The following SORBS2 variants were observed in gnomAD, a reference collection of about 807,000 sequenced individuals.
The protein encoded by SORBS2 is sorbin and SH3 domain-containing protein 2.
A neutral mutation model predicts 97.7 loss-of-function variants in SORBS2; 46 were observed. That is an observed-to-expected ratio of 0.47 (90% confidence interval 0.37 to 0.60). The LOEUF (loss-of-function observed/expected upper bound fraction) is 0.60, where lower values mean the gene tolerates loss of function less well. Ranked by LOEUF, SORBS2 falls within the 20% of genes least tolerant of loss-of-function variation. SORBS2 has a pLI of 0.00. For synonymous variants in SORBS2, 476 were observed against 473.4 expected, an observed-to-expected ratio of 1.01 and a Z score of -0.07; for missense variants, 1,316 against 1,282.3, an observed-to-expected ratio of 1.03 and a Z score of -0.40.
At chr4:185,812,425 T>G (rs975747867) in intron 1 of SORBS2, among the ~76,000 whole-genome samples, 2 of 152,242 alleles carry the variant, frequency 1.3e-5, no homozygotes, top group Non-Finnish European at 2.9e-5. Flanking sequence ...TCACCGATAG[T>G]GCAAGTGCTC....
At chr4:185,645,087 A>G (rs2097186080) in intron 4 of SORBS2, among the ~76,000 whole-genome samples, 1 of 152,202 alleles carries the variant, frequency 6.6e-6, no homozygotes, top group Non-Finnish European at 1.5e-5. Context: ...GAATGACTAA[A>G]TAATAGAAAC....
In SORBS2 at chr4:185,772,762, T is replaced by A. The variant is rs570681991; in HGVS notation, c.-198+2465A>T. 2.0e-5 allele frequency: 3 copies of A among 152,356 alleles called. No homozygotes were observed. The South Asian group carries it at 6.2e-4, about 32-fold the overall frequency. 9.4% of individuals were successfully genotyped at this position (152,356 alleles called of 1,614,324 possible). A position where few individuals can be genotyped will look rare whatever the true frequency, so the allele number is the denominator to read the frequency against. The stretch of plus-strand genomic sequence containing the variant: ...AACGTGTGCCCTCATGAAACTATAG[T>A]AGAAGATGCGGAAATAGGACTGTCC... On this transcript the variant is annotated intron_variant, in intron 2 of 20. Transcript: ENST00000284776.
intron 1 of SORBS2, among the ~76,000 whole-genome samples, chr4:185,845,436 A>G (rs1173489167): frequency 2.0e-5 from 3 of 152,208 alleles, no homozygotes; most frequent in African/African-American, 7.2e-5. Context: ...TATTATGTGC[A>G]TTTTGCAACA....
At chr4:185,858,043 C>CA (rs1200124931) in intron 1 of SORBS2, among the ~76,000 whole-genome samples, 2 of 152,176 alleles carry the variant, frequency 1.3e-5, no homozygotes, top group Non-Finnish European at 2.9e-5. Context: ...CCTCCCTTTT[C>CA]AAAATCCCTA....
intron 1 of SORBS2, among the ~76,000 whole-genome samples, chr4:185,949,429 A>G (rs2099276107): frequency 6.6e-6 from 1 of 150,770 alleles, no homozygotes; most frequent in Non-Finnish European, 1.5e-5. Context: ...AAAATGCAAC[A>G]TAGATAGATA....
chr4:185,823,563 A>G (rs2099198056), intron 1 of SORBS2, among the ~76,000 whole-genome samples: 3 of 152,204 alleles, frequency 2.0e-5, no homozygotes, highest in Non-Finnish European at 4.4e-5. Flanking sequence ...AAAAATAGCA[A>G]TAGTAAACTG....
intron 1 of SORBS2, among the ~76,000 whole-genome samples, chr4:185,914,727 C>T (rs907004152): frequency 9.2e-5 from 14 of 152,348 alleles, no homozygotes; most frequent in African/African-American, 2.9e-4. Context: ...ACAAATACCA[C>T]GAGGCCTGAC....
chr4:185,781,507 C>T (rs1310917059), intron 1 of SORBS2, among the ~76,000 whole-genome samples: 1 of 151,878 alleles, frequency 6.6e-6, no homozygotes, highest in Non-Finnish European at 1.5e-5. Context: ...CTCTAGCCTC[C>T]CTTCCATTGC....
intron 1 of SORBS2, chr4:185,811,050 A>G (rs1029199200): frequency 2.6e-5 from 4 of 152,142 alleles, no homozygotes; most frequent in African/African-American, 9.7e-5. Context: ...GCATGCAGAT[A>G]CTCGGAAAGG....
chr4:185,608,696 A>G (rs10031230), intron 12 of SORBS2, among the ~76,000 whole-genome samples: 96,178 of 151,578 alleles, frequency 0.63, 31,470 homozygotes, highest in African/African-American at 0.79. Flanking sequence ...ACATTGGAAT[A>G]CGTTTATCTA....
intron 1 of SORBS2, among the ~76,000 whole-genome samples, chr4:185,828,308 A>C (rs898285521): frequency 6.6e-6 from 1 of 152,152 alleles, no homozygotes; most frequent in African/African-American, 2.4e-5. Context: ...CACTGCCTGC[A>C]GGCTGCCCAC....
chr4:185,638,039 A>T, intron 4 of SORBS2, 40 bp downstream of exon 15: 2 of 1,175,162 alleles, frequency 1.7e-6, no homozygotes, highest in Middle Eastern at 1.9e-4. Context: ...CAAACAGTAT[A>T]CTCCTAGTTT....
intron 2 of SORBS2, among the ~76,000 whole-genome samples, chr4:185,755,119 G>C (rs905911340): frequency 2.0e-5 from 3 of 152,208 alleles, no homozygotes; most frequent in African/African-American, 7.2e-5. Flanking sequence ...TATAGCTTTG[G>C]ACAGGGCCAA....
intron 2 of SORBS2, among the ~76,000 whole-genome samples, chr4:185,768,883 CA>C (rs1278994868): frequency 6.6e-6 from 1 of 152,052 alleles, no homozygotes; most frequent in Non-Finnish European, 1.5e-5. Context: ...AAATTCCATA[CA>C]CAAAAAGAAA....
At chr4:185,950,274 A>G (rs2150025585) in intron 1 of SORBS2, among the ~76,000 whole-genome samples, 1 of 152,158 alleles carries the variant, frequency 6.6e-6, no homozygotes, top group African/African-American at 2.4e-5. Context: ...ATACTTTGAG[A>G]ATGAATTTGT....
At chr4:185,861,408 T>G (rs1475548811) in intron 1 of SORBS2, among the ~76,000 whole-genome samples, 1 of 151,918 alleles carries the variant, frequency 6.6e-6, no homozygotes. Context: ...GCAGTCAGAA[T>G]GTGTTTTGAG....
At chr4:185,756,216 T>C (rs1443068185) in intron 2 of SORBS2, among the ~76,000 whole-genome samples, 3 of 152,174 alleles carry the variant, frequency 2.0e-5, no homozygotes, top group Non-Finnish European at 4.4e-5. Context: ...AACTGTTATT[T>C]TATGTCCTTA....
intron 2 of SORBS2, among the ~76,000 whole-genome samples, chr4:185,709,320 T>TTTTTTTTTTTTTTTTTTTC (rs1181008953): frequency 2.1e-5 from 3 of 140,974 alleles, no homozygotes; most frequent in African/African-American, 2.7e-5. Flanking sequence ...TTTTTTTTTT[T>TTTTTTTTTTTTTTTTTTTC]TTTTAGTAAA....
chr4:185,620,051 T>C lies in SORBS2; in HGVS notation c.2304+12A>G. 6 of 1,544,680 alleles carry C rather than the reference T, an allele frequency of 3.9e-6. No homozygotes were observed. The highest frequency in any genetic ancestry group is 5.4e-6 in the Non-Finnish European group (6 of 1,116,494). ...TTGCTGTGAAAGACTCCAATGCTAT[T>C]AAATTAACTACCTCTTTTTCTGGAG... is the stretch of plus-strand genomic sequence containing the variant. On this transcript the variant is annotated intron_variant, in intron 8 of 14. Transcript: ENST00000418609.
Sources: allele counts gnomAD v4.1 joint callset (sites outside exome capture counted in the v4.1 genomes callset), GRCh38; gene constraint gnomAD v4.1.1; transcripts MANE v1.5; gene names NCBI Gene and HGNC (gene_info 2026-07-23, HGNC 2026-07-21).